Variants in IP6K3 observed in about 807,000 individuals in gnomAD.
The protein encoded by IP6K3 is ATP:1D-myo-inositol-hexakisphosphate phosphotransferase.
IP6K3 carries 20 observed loss-of-function variants against 28.8 expected under a neutral mutation model. The ratio of observed to expected loss-of-function variants is 0.70; its 90% CI spans 0.49 to 1.01. The LOEUF (loss-of-function observed/expected upper bound fraction) is 1.01, where lower values mean the gene tolerates loss of function less well. Ranked by LOEUF, IP6K3 falls within the 50% of genes least tolerant of loss-of-function variation. IP6K3 has a pLI of 0.00. For missense variants in IP6K3, 480 were observed against 537.1 expected (o/e 0.89, Z 1.05); for synonymous variants, 213 against 221.3 (o/e 0.96, Z 0.33).
Position 33,725,627 on chromosome 6 carries a change from T to C in IP6K3, c.590-11A>G, listed in dbSNP as rs756027783. 2.5e-6 allele frequency: 4 copies of C among 1,611,938 alleles called. 1 individual carries two copies. Among genetic ancestry groups the C allele is most frequent in the Non-Finnish European group, 3.4e-6 (4 of 1,178,344 alleles). On this transcript the variant is annotated splice_polypyrimidine_tract_variant and intron_variant, in intron 4 of 5. Transcript: ENST00000293756. ...CCAGCAACAAGAACCCTAGTCACACTAAGTTAAGGAAGGCTCTGAGGACTT... is the reference window on the plus strand; with the variant it reads ...CCAGCAACAAGAACCCTAGTCACACCAAGTTAAGGAAGGCTCTGAGGACTT...
At chr6:33,723,281 T>C in intron 5 of IP6K3, 94 bp from the exon 6 acceptor site, 1 of 818,008 alleles carries the variant, frequency 1.2e-6, no homozygotes, top group Non-Finnish European at 1.9e-6. Flanking sequence ...GGATAATATA[T>C]GAACAGATTT....
chr6:33,757,512 T>C, the IP6K3 span, among the ~76,000 whole-genome samples: 2 of 152,144 alleles, frequency 1.3e-5, no homozygotes, highest in South Asian at 2.1e-4. Context: ...CTCCACCCAA[T>C]TGGGCCGTGA....
intron 2 of IP6K3, among the ~76,000 whole-genome samples, 199 bp downstream of exon 2, chr6:33,735,079 C>T (rs144792119): frequency 7.2e-5 from 11 of 152,278 alleles, no homozygotes; most frequent in Non-Finnish European, 1.3e-4. Context: ...GGAAACCAAA[C>T]GGCATTACAC....
At chr6:33,730,850 C>T (rs1440571929) in intron 2 of IP6K3, among the ~76,000 whole-genome samples, 1 of 152,162 alleles carries the variant, frequency 6.6e-6, no homozygotes, top group African/African-American at 2.4e-5. Flanking sequence ...ACGCTGTTTA[C>T]CCCAAGTTTG....
Position 33,729,353 on chromosome 6 carries a change from G to A in IP6K3, c.200-1053C>T, listed in dbSNP as rs146403397. Among the ~76,000 whole-genome samples, 1,106 of 152,288 alleles carry A rather than the reference G, an allele frequency of 7.3e-3. 12 individuals carry two copies. Among genetic ancestry groups the A allele is most frequent in the African/African-American group, 0.02 (831 of 41,548 alleles). On this transcript the variant is annotated intron_variant, in intron 2 of 5. Coordinates refer to ENST00000293756, the MANE Select transcript of IP6K3 (RefSeq NM_054111.5). ...GAATACATGTCCTCTCTCCTAATGC[G>A]CTCACCCTCTCTGTGCCTGCCCTCA...
rs1336470740 is a variant in IP6K3, at chr6:33,723,088, G to A, written c.865C>T (p.His289Tyr). Residue 289 changes from histidine (H) to tyrosine (Y), a missense_variant, in exon 6 of 6, where the codon CAT (histidine) becomes TAT (tyrosine). Coordinates refer to ENST00000293756, the MANE Select transcript of IP6K3 (RefSeq NM_054111.5). The part of the protein sequence containing the change: ...GFRQALYQFL[H>Y]NGSHLRRELL... ...TCCCTCCGGAGGTGGCTTCCATTAT[G>A]TAGGAACTGATAGAGGGCTTGTCTG... 6.2e-7 allele frequency: 1 copy of A among 1,614,182 alleles called. No individual in the cohort carries two copies. The highest frequency in any genetic ancestry group is 2.2e-5 in the East Asian group (1 of 44,890).
intron 2 of IP6K3, among the ~76,000 whole-genome samples, chr6:33,732,276 T>C (rs1766348540): frequency 6.6e-6 from 1 of 152,020 alleles, no homozygotes; most frequent in Non-Finnish European, 1.5e-5. Context: ...CTGCCCATCA[T>C]CCTCCCTGAT....
In IP6K3 at chr6:33,735,607, CT is replaced by C; in HGVS notation, c.-132del. ...ACTTTCTCCTTCTTGGCCTTTATTGCTGTCATAGCGCAGTTGTCCTCCTGTC... is the reference window on the plus strand; with the variant it reads ...ACTTTCTCCTTCTTGGCCTTTATTGCGTCATAGCGCAGTTGTCCTCCTGTC... On this transcript the variant is annotated 5_prime_UTR_variant, in exon 2 of 6. An upstream open reading frame in the 5' UTR gains an earlier in-frame stop. Coordinates refer to ENST00000293756, the MANE Select transcript of IP6K3 (RefSeq NM_054111.5). 1 of 1,482,210 alleles carries C rather than the reference CT, an allele frequency of 6.7e-7. No individual in the cohort carries two copies. Among genetic ancestry groups the C allele is most frequent in the Non-Finnish European group, 8.9e-7 (1 of 1,122,942 alleles). 91.8% of individuals were successfully genotyped at this position (1,482,210 alleles called of 1,614,324 possible). A position where few individuals can be genotyped will look rare whatever the true frequency, so the allele number is the denominator to read the frequency against.
chr6:33,744,222 G>A lies in IP6K3; in HGVS notation c.-180+2536C>T, dbSNP rs536940323. ...TTTTCTCCTCCGGACTTTGCCTCTT[G>A]AAGCTGCACCCAGGATTTTGGATAT... On this transcript the variant is annotated intron_variant, in intron 1 of 5. Transcript: ENST00000293756. This position sits in a 1 kb window ranked among gnomAD's most constrained non-coding sequence, Gnocchi z 4.4. Among the ~76,000 whole-genome samples the A allele has an allele frequency of 3.3e-4, 50 of 152,298 alleles. No homozygotes were observed. Among genetic ancestry groups the A allele is most frequent in the African/African-American group, 1.2e-3 (48 of 41,570 alleles).
In IP6K3 at chr6:33,722,832, G is replaced by A. The variant is rs1765952855; in HGVS notation, c.1121C>T (p.Thr374Ile). The change falls in exon 6 of 6, where the codon ACA (threonine) becomes ATA (isoleucine). Residue 374 changes from threonine (T) to isoleucine (I), a missense_variant. Transcript: ENST00000293756. Reference protein sequence around the residue: ...DIRMIDFAHTTYKGYWNEHTT... With the variant: ...DIRMIDFAHTIYKGYWNEHTT... ...GTGCTCATTCCAGTAGCCCTTGTAT[G>A]TGGTATGAGCAAAGTCAATCATGCG... 1 of 1,613,898 alleles carries A rather than the reference G, an allele frequency of 6.2e-7. No homozygotes were observed. Among genetic ancestry groups the A allele is most frequent in the Non-Finnish European group, 8.5e-7 (1 of 1,179,844 alleles).
chr6:33,747,630 G>A (rs1766949870), upstream of IP6K3, among the ~76,000 whole-genome samples: 1 of 152,050 alleles, frequency 6.6e-6, no homozygotes, highest in African/African-American at 2.4e-5. The surrounding 1 kb of genome is among the most constrained non-coding windows in gnomAD (Gnocchi z 5.2). Flanking sequence ...CTAGCTACAG[G>A]AGAGGCTGTG....
intron 1 of IP6K3, among the ~76,000 whole-genome samples, chr6:33,738,965 T>C (rs1766625778): frequency 6.6e-6 from 1 of 152,166 alleles, no homozygotes; most frequent in Non-Finnish European, 1.5e-5. Flanking sequence ...CCACAAGGGA[T>C]CAGGCTGAAG....
At chr6:33,725,783 A>G (rs1302045104) in intron 4 of IP6K3, among the ~76,000 whole-genome samples, 167 bp from the exon 5 acceptor site, 1 of 152,198 alleles carries the variant, frequency 6.6e-6, no homozygotes, top group Non-Finnish European at 1.5e-5. Context: ...TAAGAATTTG[A>G]AGTATTAGCT....
chr6:33,754,400 T>G, the IP6K3 span, among the ~76,000 whole-genome samples: 1 of 152,190 alleles, frequency 6.6e-6, no homozygotes, highest in Non-Finnish European at 1.5e-5. Context: ...ACGCGTGTTA[T>G]TTATGGCTGT....
At chr6:33,725,007 C>CA in intron 5 of IP6K3, among the ~76,000 whole-genome samples, 1 of 152,048 alleles carries the variant, frequency 6.6e-6, no homozygotes, top group Admixed American at 6.6e-5. Context: ...TTTGGGAGGC[C>CA]AAGGCGGGCA....
chr6:33,725,434 G>A lies in IP6K3; in HGVS notation c.765+7C>T, dbSNP rs759387018. The A allele has an allele frequency of 4.4e-6, 7 of 1,604,550 alleles. No individual in the cohort carries two copies. Among genetic ancestry groups the A allele is most frequent in the Non-Finnish European group, 5.9e-6 (7 of 1,177,810 alleles). ...TCCCCCCCTGTGGTGGGTCCCCTGCGACCTACCTGCATGCCGCAGATGCGC... is the reference window on the plus strand; with the variant it reads ...TCCCCCCCTGTGGTGGGTCCCCTGCAACCTACCTGCATGCCGCAGATGCGC... On this transcript the variant is annotated splice_region_variant and intron_variant, in intron 5 of 5. Coordinates refer to ENST00000293756, the MANE Select transcript of IP6K3 (RefSeq NM_054111.5).
Position 33,735,637 on chromosome 6 carries a change from G to C in IP6K3, c.-161C>G. On this transcript the variant is annotated 5_prime_UTR_variant, in exon 2 of 6. Coordinates refer to ENST00000293756, the MANE Select transcript of IP6K3 (RefSeq NM_054111.5). Reference sequence around the variant, plus strand: ...ATAGCGCAGTTGTCCTCCTGTCTGTGGGTTCTCAGCGGGGTCCTCTGGAAA... The same window carrying C: ...ATAGCGCAGTTGTCCTCCTGTCTGTCGGTTCTCAGCGGGGTCCTCTGGAAA... The C allele has an allele frequency of 6.9e-7, 1 of 1,441,034 alleles. No homozygotes were observed. Among genetic ancestry groups the C allele is most frequent in the Non-Finnish European group, 9.1e-7 (1 of 1,101,046 alleles). The allele number at this position is 1,441,034 out of a possible 1,614,324, so 89.3% of individuals were successfully genotyped here.
At chr6:33,757,443 G>C in the IP6K3 span, among the ~76,000 whole-genome samples, 1 of 152,196 alleles carries the variant, frequency 6.6e-6, no homozygotes, top group Non-Finnish European at 1.5e-5. Flanking sequence ...ATGGGATGCT[G>C]AGTTAATAAA....
At chr6:33,739,225 G>A (rs1420228859) in intron 1 of IP6K3, 8 of 152,192 alleles carry the variant, frequency 5.3e-5, no homozygotes, top group African/African-American at 1.9e-4. Flanking sequence ...CCCTGGACTT[G>A]GACGGATTGG....
Sources: allele counts gnomAD v4.1 joint callset (sites outside exome capture counted in the v4.1 genomes callset), GRCh38; gene constraint gnomAD v4.1.1; non-coding constraint Gnocchi (gnomAD v3.1); transcripts MANE v1.5; gene names NCBI Gene and HGNC (gene_info 2026-07-23, HGNC 2026-07-21).